Variants in RAB44 observed in about 807,000 individuals in gnomAD.
RAB44 encodes RAB44, member RAS oncogene family.
Under a neutral mutation model 93.3 loss-of-function variants are expected in RAB44, and 67 were observed. That is an observed-to-expected ratio of 0.72 (90% CI 0.59 to 0.88). The LOEUF (loss-of-function observed/expected upper bound fraction) is 0.88, where lower values mean the gene tolerates loss of function less well. RAB44 is among the 40% of genes least tolerant of loss of function. RAB44 has a pLI of 0.00. For missense variants in RAB44, 1,064 were observed against 1,261.7 expected, an observed-to-expected ratio of 0.84 and a Z score of 2.37; for synonymous variants, 427 against 520.3, an observed-to-expected ratio of 0.82 and a Z score of 2.44.
chr6:36,709,705 G>A (rs548362063), intron 2 of RAB44, among the ~76,000 whole-genome samples: 4 of 152,198 alleles, frequency 2.6e-5, no homozygotes, highest in South Asian at 2.1e-4. Flanking sequence ...ACAGACGCCC[G>A]CCACCATGCC....
In RAB44 at chr6:36,728,685, A is replaced by G. The variant is rs937615816; in HGVS notation, c.2797-15A>G. The G allele has an allele frequency of 1.4e-5, 21 of 1,548,886 alleles. No homozygotes were observed. The highest frequency in any genetic ancestry group is 1.7e-5 in the Non-Finnish European group (19 of 1,145,588). Reference sequence around the variant, plus strand: ...ACACAGTGGGTGTGGCTGACAGAACATGTTCTGTGTGCAGGATGCAGGGTC... The same window carrying G: ...ACACAGTGGGTGTGGCTGACAGAACGTGTTCTGTGTGCAGGATGCAGGGTC... On this transcript the variant is annotated splice_polypyrimidine_tract_variant and intron_variant, in intron 11 of 13. Coordinates refer to ENST00000612677, the MANE Select transcript of RAB44 (RefSeq NM_001257357.2).
chr6:36,725,119 A>C (rs1562066596), intron 9 of RAB44, among the ~76,000 whole-genome samples: 4 of 152,122 alleles, frequency 2.6e-5, no homozygotes. Flanking sequence ...TCCACACCAG[A>C]AGTTTTATCC....
At chr6:36,728,574 G>A in intron 11 of RAB44, 126 bp from the exon 12 acceptor site, 1 of 714,266 alleles carries the variant, frequency 1.4e-6, no homozygotes, top group South Asian at 1.7e-5. Context: ...AGGTGAGAAG[G>A]TTATGGAGTG....
intron 1 of RAB44, among the ~76,000 whole-genome samples, chr6:36,701,595 C>G (rs1371324401): frequency 6.6e-6 from 1 of 152,204 alleles, no homozygotes; most frequent in Non-Finnish European, 1.5e-5. Context: ...GTCACCTCCC[C>G]CAGGAAGCCC....
intron 10 of RAB44, among the ~76,000 whole-genome samples, chr6:36,727,263 A>G (rs546183778): frequency 1.3e-5 from 2 of 152,210 alleles, no homozygotes; most frequent in Non-Finnish European, 2.9e-5. Context: ...ATATATATGT[A>G]TATACGTAAA....
chr6:36,700,559 C>A, intron 1 of RAB44, among the ~76,000 whole-genome samples: 1 of 152,098 alleles, frequency 6.6e-6, no homozygotes. Flanking sequence ...CCCATCTCAG[C>A]CTCCCAAGTA....
intron 2 of RAB44, among the ~76,000 whole-genome samples, chr6:36,705,735 A>T (rs1197080372): frequency 1.3e-5 from 2 of 152,084 alleles, no homozygotes; most frequent in East Asian, 3.9e-4. Flanking sequence ...TGATGTATAA[A>T]AGGCTGCTGT....
chr6:36,698,077 G>A (rs1440399221), intron 1 of RAB44, among the ~76,000 whole-genome samples, 162 bp downstream of exon 1: 1 of 152,196 alleles, frequency 6.6e-6, no homozygotes, highest in Non-Finnish European at 1.5e-5. Flanking sequence ...GGGAGGGGAT[G>A]GGAAAGCACT....
Position 36,704,417 on chromosome 6 carries a change from G to A in RAB44, c.182G>A (p.Gly61Asp), listed in dbSNP as rs942855617. 5.9e-6 allele frequency: 9 copies of A among 1,535,748 alleles called. No homozygotes were observed. The African/African-American group carries it at 1.2e-4, about 21-fold the overall frequency. ...CAGGACTGTGGTGCCAAGGAGAGGG[G>A]CTTTGTCACCCGCGAGGACCTGGCG... is the stretch of plus-strand genomic sequence containing the variant. ...FFQDCGAKER[G>D]FVTREDLAVA... Residue 61 changes from glycine to aspartate, a missense_variant, in exon 2 of 14, where the codon GGC (glycine) becomes GAC (aspartate). Coordinates refer to ENST00000612677, the MANE Select transcript of RAB44 (RefSeq NM_001257357.2).
intron 11 of RAB44, among the ~76,000 whole-genome samples, chr6:36,728,396 A>C (rs1272034427): frequency 1.3e-5 from 2 of 152,194 alleles, no homozygotes; most frequent in African/African-American, 4.8e-5. Flanking sequence ...TTCATGAGAC[A>C]ATTGGGAAAA....
In RAB44 at chr6:36,704,496, A is replaced by C. The variant is rs1001394726; in HGVS notation, c.207+54A>C. 1.0e-5 allele frequency: 15 copies of C among 1,481,050 alleles called. No homozygotes were observed. The East Asian group carries it at 3.7e-4, about 37-fold the overall frequency. The allele number at this position is 1,481,050 out of a possible 1,614,324, so 91.7% of individuals were successfully genotyped here. On this transcript the variant is annotated intron_variant, in intron 2 of 13. Transcript: ENST00000612677. ...GAATCCCTTTTCCGCAGCTCCTGAC[A>C]CCCCCTCTCCCCCATCACAGGAAGG...
intron 1 of RAB44, among the ~76,000 whole-genome samples, chr6:36,703,721 T>A (rs1451725502): frequency 1.3e-5 from 2 of 151,308 alleles, no homozygotes; most frequent in East Asian, 3.9e-4. Context: ...GAGGTGAGGC[T>A]GACAGGGGAG....
chr6:36,722,500 C>A lies in RAB44; in HGVS notation c.2366C>A (p.Pro789Gln). The A allele has an allele frequency of 6.7e-7, 1 of 1,495,072 alleles. No homozygotes were observed. The highest frequency in any genetic ancestry group is 1.8e-4 in the Middle Eastern group (1 of 5,710). The allele number at this position is 1,495,072 out of a possible 1,614,324, so 92.6% of individuals were successfully genotyped here. A position where few individuals can be genotyped will look rare whatever the true frequency, so the allele number is the denominator to read the frequency against. Reference protein sequence around the residue: ...LTTAHAEEQGPPHSREPRAES... With the variant: ...LTTAHAEEQGQPHSREPRAES... ...ACTGCTCACGCAGAAGAACAAGGCC[C>A]GCCTCACTCCAGGGAACCAAGGGCA... Residue 789 changes from proline (P) to glutamine (Q), a missense_variant, in exon 9 of 14, where the codon CCG becomes CAG. Pro to Gln is a moderately conservative substitution (Grantham distance 76). Transcript: ENST00000612677.
Position 36,717,592 on chromosome 6 carries a change from G to C in RAB44, c.641+173G>C, listed in dbSNP as rs1474882983. Among the ~76,000 whole-genome samples the C allele has an allele frequency of 6.6e-6, 1 of 152,158 alleles. No homozygotes were observed. The highest frequency in any genetic ancestry group is 1.5e-5 in the Non-Finnish European group (1 of 68,016). ...GGGACCGGGTGGGGAGGACAGAGTT[G>C]GTAATGGCAGGAGTGGGAAGGGCAG... On this transcript the variant is annotated intron_variant, in intron 5 of 13. Transcript: ENST00000612677. This position sits in a 1 kb window ranked among gnomAD's most constrained non-coding sequence, Gnocchi z 4.1.
chr6:36,704,286 CCGG>C lies in RAB44; in HGVS notation c.59_61del (p.Arg20del). ...GAAAAGTCCGGAAGCTGGGCTCCAA[CCGG>C]CGGCGGCAGACAAGAGAGCCAGCTG... On this transcript the variant is annotated inframe_deletion, in exon 2 of 14. Coordinates refer to ENST00000612677, the MANE Select transcript of RAB44 (RefSeq NM_001257357.2). 1.3e-6 allele frequency: 2 copies of C among 1,536,184 alleles called. No individual in the cohort carries two copies. The highest frequency in any genetic ancestry group is 1.7e-6 in the Non-Finnish European group (2 of 1,146,928).
chr6:36,702,293 GGAGAGAGAGA>G lies in RAB44; in HGVS notation c.-12-1894_-12-1885del, dbSNP rs567475229. On this transcript the variant is annotated intron_variant, in intron 1 of 13. Coordinates refer to ENST00000612677, the MANE Select transcript of RAB44 (RefSeq NM_001257357.2). Reference sequence around the variant, plus strand: ...TTCATCTGAAACAGACTTCGAAGGGGGAGAGAGAGAGAGAGAGAGAGAGAGAGAGAGAGAG... The same window carrying G: ...TTCATCTGAAACAGACTTCGAAGGGGGAGAGAGAGAGAGAGAGAGAGAGAG... Among the ~76,000 whole-genome samples the G allele has an allele frequency of 3.1e-3, 357 of 115,212 alleles. 1 individual carries two copies. The highest frequency in any genetic ancestry group is 5.1e-3 in the South Asian group (16 of 3,116). The allele number at this position is 115,212 out of a possible 152,430, so 75.6% of individuals were successfully genotyped here.
At chr6:36,710,235 A>C (rs945233064) in intron 2 of RAB44, among the ~76,000 whole-genome samples, 1 of 152,124 alleles carries the variant, frequency 6.6e-6, no homozygotes, top group African/African-American at 2.4e-5. Flanking sequence ...GGCTATCCCT[A>C]GTCTACTTTC....
intron 12 of RAB44, among the ~76,000 whole-genome samples, chr6:36,729,815 C>T (rs2150342925): frequency 6.6e-6 from 1 of 152,260 alleles, no homozygotes; most frequent in Non-Finnish European, 1.5e-5. Flanking sequence ...ATCCCTTTGA[C>T]ATAGTAATTT....
chr6:36,722,327 A>T lies in RAB44; in HGVS notation c.2193A>T (p.Ala731=). 1.1e-5 allele frequency: 15 copies of T among 1,339,294 alleles called. 1 individual carries two copies. The South Asian group carries it at 2.8e-4, about 25-fold the overall frequency. 83.0% of individuals were successfully genotyped at this position (1,339,294 alleles called of 1,614,324 possible). The change falls in exon 9 of 14, where the codon GCA becomes GCT. Residue 731 remains alanine, a synonymous_variant. Coordinates refer to ENST00000612677, the MANE Select transcript of RAB44 (RefSeq NM_001257357.2). ...PSATPQAQVE[A]EGPTPGKSAP... Reference sequence around the variant, plus strand: ...CCACACCACAGGCTCAGGTGGAAGCAGAAGGCCCCACTCCTGGAAAATCGG... The same window carrying T: ...CCACACCACAGGCTCAGGTGGAAGCTGAAGGCCCCACTCCTGGAAAATCGG...
Sources: gnomAD v4.1 joint callset for allele counts (sites outside exome capture counted in the v4.1 genomes callset) on GRCh38, gnomAD v4.1.1 for gene constraint, Gnocchi (gnomAD v3.1) non-coding constraint, MANE v1.5 for transcripts, NCBI Gene and HGNC (gene_info 2026-07-23, HGNC 2026-07-21) for gene names.